Variants in ARID1B observed in about 807,000 individuals in gnomAD.
ARID1B encodes AT-rich interactive domain-containing protein 1B.
ARID1B carries 30 observed loss-of-function variants against 212.3 expected under a neutral mutation model. The observed-to-expected ratio is 0.14, with a 90% CI of 0.11 to 0.19. The LOEUF is 0.19. Among genes scored for constraint, ARID1B ranks in the 10% least tolerant of loss-of-function variants. ARID1B has a pLI of 1.00. For synonymous variants in ARID1B, 1,402 were observed against 1,301.7 expected, an observed-to-expected ratio of 1.08 and a Z score of -1.66; for missense variants, 2,891 against 3,204.0, an observed-to-expected ratio of 0.90 and a Z score of 2.36.
At chr6:157,021,082 G>A (rs1489031703) in intron 4 of ARID1B, among the ~76,000 whole-genome samples, 1 of 151,250 alleles carries the variant, frequency 6.6e-6, no homozygotes, top group Non-Finnish European at 1.5e-5. Context: ...TCCCTCCTCG[G>A]CTGCGCTTTT....
chr6:157,010,583 G>T (rs1394641753), intron 4 of ARID1B, among the ~76,000 whole-genome samples: 2 of 149,978 alleles, frequency 1.3e-5, no homozygotes, highest in African/African-American at 4.9e-5. Flanking sequence ...GCCTCCCAAA[G>T]TGCTGGGATT....
In ARID1B at chr6:157,111,478, T is replaced by C. The variant is rs146759535; in HGVS notation, c.2581+917T>C. The stretch of plus-strand genomic sequence containing the variant: ...ACAACAAACGAGAGAGATACCGCTG[T>C]CCTGCACTCCCCTCCTCTCTCACAC... On this transcript the variant is annotated intron_variant, in intron 6 of 19. Coordinates refer to ENST00000636930, the MANE Select transcript of ARID1B (RefSeq NM_001374828.1). Among the ~76,000 whole-genome samples the C allele has an allele frequency of 1.7e-3, 256 of 152,262 alleles. 1 individual carries two copies. The highest frequency in any genetic ancestry group is 6.0e-3 in the African/African-American group (248 of 41,552).
At chr6:156,836,117 A>G (rs1237353180) in intron 2 of ARID1B, among the ~76,000 whole-genome samples, 1 of 152,206 alleles carries the variant, frequency 6.6e-6, no homozygotes, top group East Asian at 1.9e-4. Flanking sequence ...AACCAACCAT[A>G]TCCCTTCAGC....
chr6:157,123,637 T>A (rs1239386854), intron 6 of ARID1B, among the ~76,000 whole-genome samples: 2 of 152,238 alleles, frequency 1.3e-5, no homozygotes. Flanking sequence ...CAGCATTTTC[T>A]GGCTTCACTG....
At chr6:157,060,630 C>A (rs1390563618) in intron 4 of ARID1B, among the ~76,000 whole-genome samples, 2 of 72,044 alleles carry the variant, frequency 2.8e-5, no homozygotes. Flanking sequence ...AAAATCTGAA[C>A]TTTTTTTTTT....
intron 4 of ARID1B, among the ~76,000 whole-genome samples, chr6:157,029,450 G>T (rs1046522942): frequency 1.3e-5 from 2 of 152,212 alleles, no homozygotes; most frequent in Non-Finnish European, 2.9e-5. Context: ...CTCCTACTCT[G>T]TGTCTGGCAC....
chr6:156,800,494 G>A (rs1448104961), intron 1 of ARID1B, among the ~76,000 whole-genome samples: 1 of 152,054 alleles, frequency 6.6e-6, no homozygotes, highest in Non-Finnish European at 1.5e-5. Context: ...GAGGTTGAAT[G>A]AGGAGAACCT....
rs910872808 is a variant in ARID1B, at chr6:156,844,843, A to G, written c.1986+15422A>G. Among the ~76,000 whole-genome samples, 11 of 152,346 alleles carry G rather than the reference A, an allele frequency of 7.2e-5. No homozygotes were observed. In the East Asian group the frequency reaches 2.1e-3, roughly 29 times the overall value. On this transcript the variant is annotated intron_variant, in intron 2 of 19. Coordinates refer to ENST00000636930, the MANE Select transcript of ARID1B (RefSeq NM_001374828.1). ...TGCAAGTATATTTCCTTACTGTACA[A>G]CTTTCTGTTATCCAGGAGTTGATAA...
chr6:156,888,270 T>A (rs1001743258), intron 2 of ARID1B, among the ~76,000 whole-genome samples: 8 of 152,230 alleles, frequency 5.3e-5, no homozygotes, highest in African/African-American at 1.4e-4. Context: ...GAAGCTCCTC[T>A]GTAATTCCCA....
chr6:156,776,574 T>C (rs1434983470), upstream of ARID1B: 1 of 152,182 alleles, frequency 6.6e-6, no homozygotes, highest in Non-Finnish European at 1.5e-5. Flanking sequence ...AAGAGTTAAA[T>C]GTTCATGTGA....
chr6:156,943,453 C>G (rs149382267), intron 4 of ARID1B: 2 of 150,070 alleles, frequency 1.3e-5, no homozygotes, highest in African/African-American at 4.9e-5. Context: ...TAAGCTTTCT[C>G]AACTACTTTT....
intron 6 of ARID1B, among the ~76,000 whole-genome samples, chr6:157,129,074 A>G (rs1252968503): frequency 6.6e-6 from 1 of 152,272 alleles, no homozygotes; most frequent in African/African-American, 2.4e-5. Context: ...TTTATAGGCT[A>G]TCCAAGTGAA....
chr6:156,990,599 C>T (rs1460420968), intron 4 of ARID1B, among the ~76,000 whole-genome samples: 1 of 152,130 alleles, frequency 6.6e-6, no homozygotes, highest in African/African-American at 2.4e-5. Flanking sequence ...CGAGATCGCA[C>T]CACTGCACTC....
chr6:157,122,565 C>T (rs17088158), intron 6 of ARID1B, among the ~76,000 whole-genome samples: 29,359 of 152,266 alleles, frequency 0.19, 3,944 homozygotes, highest in East Asian at 0.57. Context: ...GGTGGAAACG[C>T]GCTTGCCCGG....
At chr6:157,039,215 T>A (rs1781532883) in intron 4 of ARID1B, among the ~76,000 whole-genome samples, 1 of 152,036 alleles carries the variant, frequency 6.6e-6, no homozygotes, top group African/African-American at 2.4e-5. Flanking sequence ...ACAGTGAAAA[T>A]TTTTTTCAAC....
intron 2 of ARID1B, among the ~76,000 whole-genome samples, chr6:156,880,281 A>G (rs375273431): frequency 3.3e-5 from 5 of 152,358 alleles, no homozygotes; most frequent in African/African-American, 1.2e-4. Context: ...GAGAGAAAGA[A>G]AAATAGCGAG....
intron 1 of ARID1B, among the ~76,000 whole-genome samples, chr6:156,812,073 G>A (rs1333348925): frequency 6.6e-6 from 1 of 152,234 alleles, no homozygotes; most frequent in African/African-American, 2.4e-5. Context: ...GAGGGCACAG[G>A]AGGTGCTCAT....
intron 4 of ARID1B, among the ~76,000 whole-genome samples, chr6:157,037,264 C>A (rs752229159): frequency 1.3e-5 from 2 of 152,160 alleles, no homozygotes; most frequent in Non-Finnish European, 2.9e-5. Context: ...TAAACGTCCC[C>A]GCTTCAGACA....
chr6:156,883,084 A>C (rs1175362288), intron 2 of ARID1B, among the ~76,000 whole-genome samples: 1 of 152,220 alleles, frequency 6.6e-6, no homozygotes, highest in African/African-American at 2.4e-5. Context: ...TGGGAGTTAT[A>C]GTCAAGGAGT....
Sources: gnomAD v4.1 joint callset for allele counts (sites outside exome capture counted in the v4.1 genomes callset) on GRCh38, gnomAD v4.1.1 for gene constraint, MANE v1.5 for transcripts, NCBI Gene and HGNC (gene_info 2026-07-23, HGNC 2026-07-21) for gene names.